The following TLE6 variants were observed in gnomAD, a reference collection of about 807,000 sequenced individuals.
The protein encoded by TLE6 is transducin-like enhancer protein 6.
In TLE6, 72 loss-of-function variants were observed where a neutral mutation model predicts 77.1. That is an observed-to-expected ratio of 0.93 (90% CI 0.77 to 1.14). The LOEUF (loss-of-function observed/expected upper bound fraction) is 1.14, where lower values mean the gene tolerates loss of function less well. Among genes scored for constraint, TLE6 ranks in the 50% most tolerant of loss-of-function variants. The probability of loss-of-function intolerance (pLI) is 0.00; values close to 1 mark genes in which losing one functional copy is unlikely to be tolerated. For synonymous variants in TLE6, 366 were observed against 287.3 expected, an observed-to-expected ratio of 1.27 and a Z score of -2.77; for missense variants, 843 against 747.6, an observed-to-expected ratio of 1.13 and a Z score of -1.49.
chr19:2,993,670 C>G lies in TLE6; in HGVS notation c.1537+88C>G. 9 of 1,459,646 alleles carry G rather than the reference C, an allele frequency of 6.2e-6. No homozygotes were observed. The South Asian group carries it at 1.1e-4, about 18-fold the overall frequency. The allele number at this position is 1,459,646 out of a possible 1,614,324, so 90.4% of individuals were successfully genotyped here. On this transcript the variant is annotated intron_variant, in intron 15 of 16. Transcript: ENST00000246112. ...CCTAATGCCAGCTCCCCACCCAACCCTCTAGGACACCTCAGAACCCTTCTG... is the reference window on the plus strand; with the variant it reads ...CCTAATGCCAGCTCCCCACCCAACCGTCTAGGACACCTCAGAACCCTTCTG...
At chr19:2,988,034 A>AGG (rs2088956390) in intron 10 of TLE6, 57 bp from the exon 11 acceptor site, 2 of 1,571,990 alleles carry the variant, frequency 1.3e-6, no homozygotes, top group Non-Finnish European at 1.7e-6. Flanking sequence ...GGGGTAGAGG[A>AGG]GGTGGGCACA....
chr19:2,982,826 G>A (rs2088826827), intron 5 of TLE6, among the ~76,000 whole-genome samples: 1 of 152,162 alleles, frequency 6.6e-6, no homozygotes, highest in Non-Finnish European at 1.5e-5. Context: ...CAACCTAGAT[G>A]ACCCTTTGCC....
chr19:2,986,940 G>A (rs1032523660), intron 6 of TLE6, 43 bp from the exon 7 acceptor site: 1 of 1,556,216 alleles, frequency 6.4e-7, no homozygotes, highest in South Asian at 1.2e-5. Flanking sequence ...TTGGGTGAAG[G>A]CTCATCCTCA....
chr19:2,994,123 C>G (rs377622964), intron 16 of TLE6, 28 bp downstream of exon 16: 34 of 1,578,734 alleles, frequency 2.2e-5, no homozygotes, highest in Non-Finnish European at 2.9e-5. Flanking sequence ...GGGCAGGACC[C>G]GGGGGTGGCC....
intron 13 of TLE6, among the ~76,000 whole-genome samples, chr19:2,990,847 T>C (rs936201489): frequency 2.7e-5 from 4 of 150,372 alleles, no homozygotes; most frequent in African/African-American, 7.3e-5. Flanking sequence ...CTAAAAAATA[T>C]GAAAATTAGC....
intron 5 of TLE6, among the ~76,000 whole-genome samples, chr19:2,982,640 C>A (rs2088823274): frequency 6.6e-6 from 1 of 151,568 alleles, no homozygotes; most frequent in Non-Finnish European, 1.5e-5. Flanking sequence ...TGGGCTTTGA[C>A]CCCAAGGGAG....
chr19:2,994,702 G>A (rs1433080301), intron 16 of TLE6, among the ~76,000 whole-genome samples, 198 bp from the exon 17 acceptor site: 2 of 152,222 alleles, frequency 1.3e-5, no homozygotes, highest in Admixed American at 1.3e-4. Context: ...TACTTGGGAG[G>A]CTGAGGCAGG....
At chr19:2,983,015 G>A (rs879699346) in intron 5 of TLE6, among the ~76,000 whole-genome samples, 5 of 152,044 alleles carry the variant, frequency 3.3e-5, no homozygotes, top group East Asian at 1.9e-4. Context: ...GCAGAAGTAC[G>A]CCTTCCAGCC....
Position 2,981,464 on chromosome 19 carries a change from T to C in TLE6, c.135-74T>C, listed in dbSNP as rs1032923020. On this transcript the variant is annotated intron_variant, in intron 3 of 16. Coordinates refer to ENST00000246112, the MANE Select transcript of TLE6 (RefSeq NM_001143986.2). Reference sequence around the variant, plus strand: ...GCTTCATTGAGACCCTCCCTAGGGGTTGAGGGTGGGGCTCACTCTGGGGAG... The same window carrying C: ...GCTTCATTGAGACCCTCCCTAGGGGCTGAGGGTGGGGCTCACTCTGGGGAG... 1.1e-5 allele frequency: 16 copies of C among 1,480,234 alleles called. 1 individual carries two copies. Among genetic ancestry groups the C allele is most frequent in the Non-Finnish European group, 1.2e-5 (13 of 1,082,934 alleles). 91.7% of individuals were successfully genotyped at this position (1,480,234 alleles called of 1,614,324 possible).
rs772338848 is a variant in TLE6, at chr19:2,989,624, G to T, written c.1083G>T (p.Val361=). 6.2e-7 allele frequency: 1 copy of T among 1,614,180 alleles called. No homozygotes were observed. The highest frequency in any genetic ancestry group is 8.5e-7 in the Non-Finnish European group (1 of 1,180,038). Reference sequence around the variant, plus strand: ...GCTACAACCTGGCCAGCGTGAGCGTGTGGGACCTGGCGGCGCCCTCCCTGC... The same window carrying T: ...GCTACAACCTGGCCAGCGTGAGCGTTTGGGACCTGGCGGCGCCCTCCCTGC... The part of the protein sequence containing the change: ...TGGYNLASVS[V]WDLAAPSLHV... The change falls in exon 13 of 17, where the codon GTG becomes GTT. Residue 361 remains valine, a synonymous_variant. Transcript: ENST00000246112.
At chr19:2,988,059 C>A (rs1179875900) in intron 10 of TLE6, 32 bp from the exon 11 acceptor site, 6 of 1,554,824 alleles carry the variant, frequency 3.9e-6, no homozygotes, top group Non-Finnish European at 5.2e-6. Context: ...TGCGGGGAGG[C>A]TGGGGGCAGC....
Position 2,979,683 on chromosome 19 carries a change from G to T in TLE6, c.52-417G>T, listed in dbSNP as rs557055721. On this transcript the variant is annotated intron_variant, in intron 2 of 16. Transcript: ENST00000246112. ...AGGCCGGGCGCGGTGGTTCATGCCT[G>T]TCATTCCAGCACTTTAGGAGGCCGA... Among the ~76,000 whole-genome samples the T allele has an allele frequency of 4.7e-3, 718 of 151,876 alleles. 3 individuals carry two copies. Among genetic ancestry groups the T allele is most frequent in the African/African-American group, 0.016 (682 of 41,444 alleles).
chr19:2,990,085 G>A (rs1159991475), intron 13 of TLE6, among the ~76,000 whole-genome samples: 1 of 152,068 alleles, frequency 6.6e-6, no homozygotes, highest in African/African-American at 2.4e-5. Context: ...GCTTGTTAGA[G>A]GGCAAATTTG....
At position 2,981,555 on chromosome 19, in the gene TLE6, C is replaced by G. The variant is rs566584383; in HGVS notation, c.152C>G (p.Ala51Gly). Residue 51 changes from alanine (A) to glycine (G), a missense_variant, in exon 4 of 17, where the codon GCT (alanine) becomes GGT (glycine). Ala to Gly is a moderately conservative substitution (Grantham distance 60). Transcript: ENST00000246112. The stretch of plus-strand genomic sequence containing the variant: ...CCCCTCAGGTTTTCTCCTCATTTTG[C>G]TGCGGAGTTGGAGAGCATTTACTAC... ...KQFPRFSPHF[A>G]AELESIYYSL... is the part of the protein sequence containing the mutation. The G allele has an allele frequency of 1.7e-5, 26 of 1,551,580 alleles. No individual in the cohort carries two copies. The African/African-American group carries it at 2.9e-4, about 17-fold the overall frequency.
At chr19:2,983,915 G>C (rs1272424577) in intron 5 of TLE6, 1 of 152,354 alleles carries the variant, frequency 6.6e-6, no homozygotes, top group African/African-American at 2.4e-5. Flanking sequence ...GATACGCAGG[G>C]GGTGAGGGCT....
In TLE6 at chr19:2,991,914, C is replaced by T. The variant is rs199757173; in HGVS notation, c.1316C>T (p.Pro439Leu). Residue 439 changes from proline (P) to leucine (L), a missense_variant, in exon 14 of 17, where the codon CCG becomes CTG. Pro to Leu is a moderately conservative substitution (Grantham distance 98). Coordinates refer to ENST00000246112, the MANE Select transcript of TLE6 (RefSeq NM_001143986.2). The stretch of plus-strand genomic sequence containing the variant: ...GGCTACAACATCTGGACTGGGGGTC[C>T]GGATGCCTGTCTGCGGTGCTGGGAC... ...VKGYNIWTGG[P>L]DACLRCWDQR... The T allele has an allele frequency of 3.7e-5, 59 of 1,613,852 alleles. 1 individual carries two copies. The Middle Eastern group carries it at 6.6e-4, about 18-fold the overall frequency.
rs773033193 is a variant in TLE6, at chr19:2,989,163, G to A, written c.843G>A (p.Arg281=). Residue 281 remains arginine, a synonymous_variant, in exon 12 of 17, where the codon CGG becomes CGA. Transcript: ENST00000246112. ...TCCCGTGCAAACTGGAAAAGATGCG[G>A]ATCTTGGCACACGGGGAGCTCGTGC... ...LAVPCKLEKM[R]ILAHGELVLA... is the part of the protein sequence containing the mutation. The A allele has an allele frequency of 6.2e-7, 1 of 1,614,164 alleles. No individual in the cohort carries two copies. Among genetic ancestry groups the A allele is most frequent in the Non-Finnish European group, 8.5e-7 (1 of 1,180,056 alleles).
chr19:2,989,356 A>G (rs2088990354), intron 12 of TLE6, 43 bp downstream of exon 12: 1 of 1,605,346 alleles, frequency 6.2e-7, no homozygotes, highest in Non-Finnish European at 8.5e-7. Flanking sequence ...GCTTCTGGGA[A>G]CAGGGGGTTT....
intron 11 of TLE6, 56 bp downstream of exon 11, chr19:2,988,184 C>A (rs568273134): frequency 6.6e-7 from 1 of 1,506,530 alleles, no homozygotes; most frequent in African/African-American, 1.4e-5. Flanking sequence ...GGAATTCCTT[C>A]CTGTCTATAC....
Sources: gnomAD v4.1 joint callset for allele counts (sites outside exome capture counted in the v4.1 genomes callset) on GRCh38, gnomAD v4.1.1 for gene constraint, MANE v1.5 for transcripts, NCBI Gene and HGNC (gene_info 2026-07-23, HGNC 2026-07-21) for gene names.